GOLGB1: variants seen among roughly 807,000 people sequenced by gnomAD.
The protein encoded by GOLGB1 is golgin subfamily B member 1.
GOLGB1 carries 174 observed loss-of-function variants against 336.9 expected under a neutral mutation model. That is an observed-to-expected ratio of 0.52 (90% CI 0.46 to 0.59). The LOEUF (loss-of-function observed/expected upper bound fraction) is 0.59, where lower values mean the gene tolerates loss of function less well. Among genes scored for constraint, GOLGB1 ranks in the 20% least tolerant of loss-of-function variants. The probability of loss-of-function intolerance (pLI) is 0.00; values close to 1 mark genes in which losing one functional copy is unlikely to be tolerated. For missense variants in GOLGB1, 3,331 were observed against 3,645.3 expected (o/e 0.91, Z 2.22); for synonymous variants, 1,208 against 1,289.2 (o/e 0.94, Z 1.35).
chr3:121,706,659 G>A (rs572521067), intron 10 of GOLGB1, among the ~76,000 whole-genome samples: 2 of 147,194 alleles, frequency 1.4e-5, no homozygotes, highest in South Asian at 2.2e-4. Flanking sequence ...ACTTGAATCC[G>A]GGAAGTGGAG....
intron 1 of GOLGB1, among the ~76,000 whole-genome samples, chr3:121,734,661 C>T (rs540513232): frequency 1.2e-4 from 19 of 152,190 alleles, no homozygotes; most frequent in Non-Finnish European, 1.9e-4. Flanking sequence ...AATGAAATAC[C>T]ACTATCTACC....
rs199659670 is a variant in GOLGB1 at position 121,713,086 on chromosome 3, C to T, written c.1404+1775G>A. On this transcript the variant is annotated intron_variant, in intron 10 of 21. Transcript: ENST00000614479. ...CTGAGGCAGGAGAATTGCCTGAACCCGGGAGGTCGAGGTTGCAGTGAGCCG... is the reference window on the plus strand; with the variant it reads ...CTGAGGCAGGAGAATTGCCTGAACCTGGGAGGTCGAGGTTGCAGTGAGCCG... 3.0e-4 allele frequency among the ~76,000 whole-genome samples: 46 copies of T among 152,078 alleles called. 1 individual carries two copies. The East Asian group carries it at 5.8e-3, about 19-fold the overall frequency.
intron 3 of GOLGB1, among the ~76,000 whole-genome samples, 180 bp from the exon 4 acceptor site, chr3:121,729,520 C>T (rs1379991383): frequency 1.3e-5 from 2 of 152,142 alleles, no homozygotes; most frequent in Non-Finnish European, 2.9e-5. Flanking sequence ...CTCAAGCGAT[C>T]CTATCTCAGC....
At chr3:121,721,816 T>C (rs1945219859) in intron 6 of GOLGB1, among the ~76,000 whole-genome samples, 1 of 152,194 alleles carries the variant, frequency 6.6e-6, no homozygotes, top group South Asian at 2.1e-4. Flanking sequence ...ACAGGCTCAC[T>C]AAGTAATCTA....
chr3:121,694,279 A>T lies in GOLGB1; in HGVS notation c.6244T>A (p.Leu2082Ile), dbSNP rs547690421. Reference sequence around the variant, plus strand: ...TCTAGCAGGACTTTGAAGCTAGCTAATTCTGCTTGTGCCTTTTTGCGGTGT... The same window carrying T: ...TCTAGCAGGACTTTGAAGCTAGCTATTTCTGCTTGTGCCTTTTTGCGGTGT... ...VEHRKKAQAE[L>I]ASFKVLLDDT... Residue 2082 changes from leucine (L) to isoleucine (I), a missense_variant, in exon 13 of 22, where the codon TTA (leucine) becomes ATA (isoleucine). By Grantham distance (5) the Leu-to-Ile change is conservative (BLOSUM62 2). Coordinates refer to ENST00000614479, the MANE Select transcript of GOLGB1 (RefSeq NM_001366282.2). The T allele has an allele frequency of 3.7e-5, 59 of 1,610,444 alleles. No homozygotes were observed. The South Asian group carries it at 6.2e-4, about 17-fold the overall frequency.
Position 121,677,382 on chromosome 3 carries a change from T to C in GOLGB1, c.8942A>G (p.Asp2981Gly), listed in dbSNP as rs1940546381. The C allele has an allele frequency of 6.2e-7, 1 of 1,605,706 alleles. No homozygotes were observed. The stretch of plus-strand genomic sequence containing the variant: ...CAGATGACTGAGCTGCTGATCTTTA[T>C]CTGAGATAGCCATAAGGTACTGTTC... Reference protein sequence around the residue: ...MKEQYLMAISDKDQQLSHLQN... With the variant: ...MKEQYLMAISGKDQQLSHLQN... Residue 2981 changes from aspartate (D) to glycine (G), a missense_variant, in exon 16 of 22, where the codon GAT becomes GGT. Physicochemically the swap from Asp to Gly is moderately conservative, Grantham distance 94. Transcript: ENST00000614479.
intron 1 of GOLGB1, among the ~76,000 whole-genome samples, chr3:121,748,324 T>C (rs775548385): frequency 1.3e-5 from 2 of 152,236 alleles, no homozygotes; most frequent in South Asian, 2.1e-4. Flanking sequence ...GTGGTAGTCA[T>C]ACACTATAAA....
At position 121,730,831 on chromosome 3, in the gene GOLGB1, C is replaced by T. The variant is rs779933067; in HGVS notation, c.96+45G>A. On this transcript the variant is annotated intron_variant, in intron 2 of 21. Coordinates refer to ENST00000614479, the MANE Select transcript of GOLGB1 (RefSeq NM_001366282.2). The stretch of plus-strand genomic sequence containing the variant: ...TTAAATTATTTTCCTTAGAAGAACA[C>T]AGAACATATGTCTTACCAGTTTAAA... 3.2e-6 allele frequency: 5 copies of T among 1,563,168 alleles called. No homozygotes were observed. The African/African-American group carries it at 4.2e-5, about 13-fold the overall frequency.
chr3:121,713,520 A>G (rs9861782), intron 10 of GOLGB1, among the ~76,000 whole-genome samples: 18,004 of 152,256 alleles, frequency 0.12, 1,164 homozygotes, highest in East Asian at 0.24. Context: ...AGCTTTACAC[A>G]TAAGAGGACC....
At chr3:121,743,129 G>T (rs1170150830) in intron 1 of GOLGB1, among the ~76,000 whole-genome samples, 1 of 152,140 alleles carries the variant, frequency 6.6e-6, no homozygotes, top group Non-Finnish European at 1.5e-5. Context: ...ATACCCAAAG[G>T]ATTATAAATC....
chr3:121,727,195 C>A lies in GOLGB1; in HGVS notation c.403-154G>T, dbSNP rs1171695372. Among the ~76,000 whole-genome samples the A allele has an allele frequency of 2.0e-5, 3 of 148,320 alleles. No individual in the cohort carries two copies. In the East Asian group the frequency reaches 5.9e-4, roughly 29 times the overall value. Reference sequence around the variant, plus strand: ...CCAGCTGATCTAACAAATAAGAAATCTTAGGGTTGTCCAGTTTTTGTATGG... The same window carrying A: ...CCAGCTGATCTAACAAATAAGAAATATTAGGGTTGTCCAGTTTTTGTATGG... On this transcript the variant is annotated intron_variant, in intron 4 of 21. Transcript: ENST00000614479.
At chr3:121,714,838 A>T in intron 10 of GOLGB1, 23 bp downstream of exon 10, 1 of 1,325,480 alleles carries the variant, frequency 7.5e-7, no homozygotes. Flanking sequence ...GTTAATATTC[A>T]TAAGAAGTTC....
chr3:121,692,791 G>A (rs1256198297), intron 13 of GOLGB1, among the ~76,000 whole-genome samples: 2 of 152,116 alleles, frequency 1.3e-5, no homozygotes, highest in East Asian at 3.9e-4. Context: ...ATACTTAAGG[G>A]TTCATATATT....
At chr3:121,674,143 T>G (rs1414412834) in intron 17 of GOLGB1, among the ~76,000 whole-genome samples, 2 of 152,216 alleles carry the variant, frequency 1.3e-5, no homozygotes, top group Admixed American at 6.5e-5. Flanking sequence ...GTTCTAACAG[T>G]TTTTTGGTGG....
At chr3:121,724,136 TG>T (rs1181779294) in intron 5 of GOLGB1, among the ~76,000 whole-genome samples, 6 of 151,964 alleles carry the variant, frequency 3.9e-5, no homozygotes. Context: ...GTTTTGGAAC[TG>T]GGTAATGGGC....
chr3:121,697,763 A>G lies in GOLGB1; in HGVS notation c.2760T>C (p.Val920=). Reference sequence around the variant, plus strand: ...GAGAAAACTTCTCTTCATTAAGCTGAACCATTTTCTCAGTCATACTAAAGC... The same window carrying G: ...GAGAAAACTTCTCTTCATTAAGCTGGACCATTTTCTCAGTCATACTAAAGC... ...EISFSMTEKM[V]QLNEEKFSLG... Residue 920 remains valine (V), a synonymous_variant, in exon 13 of 22, where the codon GTT becomes GTC. Coordinates refer to ENST00000614479, the MANE Select transcript of GOLGB1 (RefSeq NM_001366282.2). The G allele has an allele frequency of 6.2e-7, 1 of 1,613,996 alleles. No homozygotes were observed. Among genetic ancestry groups the G allele is most frequent in the Non-Finnish European group, 8.5e-7 (1 of 1,179,910 alleles).
chr3:121,739,812 CTG>C (rs954992468), intron 1 of GOLGB1, among the ~76,000 whole-genome samples: 2 of 152,118 alleles, frequency 1.3e-5, no homozygotes, highest in African/African-American at 4.8e-5. Flanking sequence ...GTTAAGCAAA[CTG>C]ATATATACAG....
intron 4 of GOLGB1, among the ~76,000 whole-genome samples, chr3:121,728,336 ATCTC>A (rs1945826664): frequency 6.6e-6 from 1 of 152,210 alleles, no homozygotes; most frequent in Non-Finnish European, 1.5e-5. Flanking sequence ...ACTGATTAAA[ATCTC>A]ATTTCCCAAG....
chr3:121,683,171 G>C (rs1309339802), intron 14 of GOLGB1, among the ~76,000 whole-genome samples: 1 of 147,004 alleles, frequency 6.8e-6, no homozygotes, highest in East Asian at 2.0e-4. Context: ...CGAAGTGCTG[G>C]GATTACAGGC....
Sources: allele counts gnomAD v4.1 joint callset (sites outside exome capture counted in the v4.1 genomes callset), GRCh38; gene constraint gnomAD v4.1.1; transcripts MANE v1.5; gene names NCBI Gene and HGNC (gene_info 2026-07-23, HGNC 2026-07-21).